LDLRAD4: variants seen among roughly 807,000 people sequenced by gnomAD.
LDLRAD4 encodes low density lipoprotein receptor class A domain containing 4, also known as low-density lipoprotein receptor class A domain-containing protein 4.
Under a neutral mutation model 17.0 loss-of-function variants are expected in LDLRAD4, and 5 were observed. That is an observed-to-expected ratio of 0.29 (90% CI 0.15 to 0.62). LDLRAD4 has a LOEUF of 0.62. LDLRAD4 is among the 20% of genes least tolerant of loss of function. The probability of loss-of-function intolerance (pLI) is 0.84; values close to 1 mark genes in which losing one functional copy is unlikely to be tolerated. For synonymous variants in LDLRAD4, 168 were observed against 171.8 expected (o/e 0.98, Z 0.17); for missense variants, 340 against 424.7 (o/e 0.80, Z 1.75).
chr18:13,529,109 G>T (rs930265196), intron 3 of LDLRAD4, among the ~76,000 whole-genome samples: 1 of 152,226 alleles, frequency 6.6e-6, no homozygotes, highest in African/African-American at 2.4e-5. Context: ...AGAGATTAAA[G>T]ATGTGTAGGG....
rs2083671976 is a variant in LDLRAD4, at chr18:13,361,571, A to G, written c.-382-25770A>G. On this transcript the variant is annotated intron_variant, in intron 1 of 5. Transcript: ENST00000359446. ...TTGTCCCATCTGCTGGAAGATGAGG[A>G]TGTTCTCTTCCTGGGCCTCTTCATG... 2.0e-5 allele frequency among the ~76,000 whole-genome samples: 3 copies of G among 152,120 alleles called. No individual in the cohort carries two copies. The South Asian group carries it at 6.2e-4, about 32-fold the overall frequency.
intron 2 of LDLRAD4, among the ~76,000 whole-genome samples, chr18:13,400,659 T>G (rs2087101007): frequency 6.6e-6 from 1 of 152,182 alleles, no homozygotes; most frequent in Non-Finnish European, 1.5e-5. Flanking sequence ...CTCGTATCTG[T>G]CATATCACAA....
At chr18:13,399,703 G>A (rs990964529) in intron 2 of LDLRAD4, among the ~76,000 whole-genome samples, 12 of 152,184 alleles carry the variant, frequency 7.9e-5, no homozygotes, top group African/African-American at 2.7e-4. Context: ...AGCTCCTAAG[G>A]GTTTCCAGGG....
intron 1 of LDLRAD4, among the ~76,000 whole-genome samples, chr18:13,366,873 G>A (rs112847013): frequency 0.013 from 2,016 of 152,246 alleles, 30 homozygotes; most frequent in Middle Eastern, 0.034. Context: ...AAGACACATT[G>A]GCGTGTTTCT....
At position 13,224,528 on chromosome 18, in the gene LDLRAD4, G is replaced by A. The variant is rs2041655545; in HGVS notation, c.-467+5540G>A. On this transcript the variant is annotated intron_variant, in intron 1 of 5. Transcript: ENST00000399848. ...GGAGTCTCGCTCTGTCGCCCAGGCT[G>A]GAGTTCAGTGGCGCAATCTCGGCCC... Among the ~76,000 whole-genome samples, 4 of 125,964 alleles carry A rather than the reference G, an allele frequency of 3.2e-5. No homozygotes were observed. In the South Asian group the frequency reaches 1.0e-3, roughly 32 times the overall value. The allele number at this position is 125,964 out of a possible 152,430, so 82.6% of individuals were successfully genotyped here.
intron 3 of LDLRAD4, among the ~76,000 whole-genome samples, chr18:13,563,881 TA>T (rs1320612617): frequency 1.3e-5 from 2 of 152,172 alleles, no homozygotes; most frequent in Non-Finnish European, 1.5e-5. Context: ...ATTTTCTTTT[TA>T]AAAAATTATT....
At chr18:13,553,396 T>A (rs1426473077) in intron 3 of LDLRAD4, among the ~76,000 whole-genome samples, 1 of 152,232 alleles carries the variant, frequency 6.6e-6, no homozygotes, top group African/African-American at 2.4e-5. Flanking sequence ...TCTGAAGATG[T>A]GAGACGAGAT....
At chr18:13,380,557 G>A (rs1208147615) in intron 1 of LDLRAD4, among the ~76,000 whole-genome samples, 1 of 152,212 alleles carries the variant, frequency 6.6e-6, no homozygotes, top group Non-Finnish European at 1.5e-5. Context: ...TAGATCATAT[G>A]AGTCGATAAT....
At chr18:13,362,078 C>T (rs1261807487) in intron 1 of LDLRAD4, 1 of 152,032 alleles carries the variant, frequency 6.6e-6, no homozygotes, top group African/African-American at 2.4e-5. Flanking sequence ...TGGGCAAAGG[C>T]ACACATTTGG....
chr18:13,362,976 G>A (rs116923689), intron 1 of LDLRAD4, among the ~76,000 whole-genome samples: 2,153 of 152,116 alleles, frequency 0.014, 34 homozygotes, highest in Middle Eastern at 0.034. Context: ...GTGCTCTGTC[G>A]TTAGTTATCA....
intron 1 of LDLRAD4, among the ~76,000 whole-genome samples, chr18:13,291,448 C>T (rs1016455017): frequency 1.3e-5 from 2 of 152,184 alleles, no homozygotes; most frequent in African/African-American, 4.8e-5. Context: ...TGTACAGTTG[C>T]AGAGGGTGAG....
At chr18:13,401,819 C>G (rs371608486) in intron 2 of LDLRAD4, among the ~76,000 whole-genome samples, 31 of 152,316 alleles carry the variant, frequency 2.0e-4, no homozygotes, top group Admixed American at 3.9e-4. Flanking sequence ...TTTCAGCCCC[C>G]CTCTGGCAGG....
At chr18:13,351,521 T>C (rs2144401451) in intron 1 of LDLRAD4, among the ~76,000 whole-genome samples, 1 of 152,224 alleles carries the variant, frequency 6.6e-6, no homozygotes, top group South Asian at 2.1e-4. Flanking sequence ...GCTTAAGAAG[T>C]TTTTGGACTG....
intron 1 of LDLRAD4, among the ~76,000 whole-genome samples, chr18:13,341,785 A>C (rs1418333919): frequency 1.3e-5 from 2 of 152,192 alleles, no homozygotes; most frequent in Admixed American, 1.3e-4. Context: ...AGAAATGGCA[A>C]AAGTGGACTT....
At chr18:13,602,660 C>G in intron 3 of LDLRAD4, among the ~76,000 whole-genome samples, 1 of 151,896 alleles carries the variant, frequency 6.6e-6, no homozygotes, top group Non-Finnish European at 1.5e-5. Context: ...ATTGGCCAGG[C>G]TGGTCTCGAA....
At chr18:13,412,346 G>A (rs747773441) in intron 2 of LDLRAD4, among the ~76,000 whole-genome samples, 34 of 152,128 alleles carry the variant, frequency 2.2e-4, no homozygotes, top group Non-Finnish European at 4.4e-4. Flanking sequence ...AGCTCTTAAA[G>A]TATCCTTATC....
intron 1 of LDLRAD4, among the ~76,000 whole-genome samples, chr18:13,235,594 C>A (rs1436951082): frequency 1.3e-5 from 2 of 152,202 alleles, no homozygotes; most frequent in Non-Finnish European, 2.9e-5. Flanking sequence ...ACTGAAAAAC[C>A]CCCCACATTC....
chr18:13,224,721 C>T (rs979457912), intron 1 of LDLRAD4, among the ~76,000 whole-genome samples: 1 of 151,688 alleles, frequency 6.6e-6, no homozygotes, highest in African/African-American at 2.4e-5. Context: ...ACCTCATGAT[C>T]CGCCCGTCTT....
At chr18:13,497,613 T>G (rs2093498568) in intron 3 of LDLRAD4, among the ~76,000 whole-genome samples, 1 of 152,154 alleles carries the variant, frequency 6.6e-6, no homozygotes, top group African/African-American at 2.4e-5. Flanking sequence ...TTTTCAGAAG[T>G]AGTTCACTAA....
Sources: gnomAD v4.1 joint callset for allele counts (sites outside exome capture counted in the v4.1 genomes callset) on GRCh38, gnomAD v4.1.1 for gene constraint, MANE v1.5 for transcripts, NCBI Gene and HGNC (gene_info 2026-07-23, HGNC 2026-07-21) for gene names.